Variants in PRAP1 observed in about 807,000 individuals in gnomAD.
PRAP1 encodes the protein proline-rich acidic protein 1.
A neutral mutation model predicts 14.6 loss-of-function variants in PRAP1; 12 were observed. The ratio of observed to expected loss-of-function variants is 0.82; its 90% CI spans 0.53 to 1.33. PRAP1 has a LOEUF of 1.33. Ranked by LOEUF, PRAP1 falls within the 40% of genes most tolerant of loss-of-function variation. PRAP1 has a pLI of 0.00. For missense variants in PRAP1, 160 were observed against 193.7 expected (o/e 0.83, Z 1.03); for synonymous variants, 81 against 80.3 (o/e 1.01, Z -0.04).
chr10:133,349,496 C>T (rs1232658203), intron 1 of PRAP1, among the ~76,000 whole-genome samples: 1 of 152,174 alleles, frequency 6.6e-6, no homozygotes, highest in African/African-American at 2.4e-5. Context: ...CATGCACAGA[C>T]AACATATGCA....
At chr10:133,350,293 T>A in intron 2 of PRAP1, 132 bp downstream of exon 2, 1 of 751,688 alleles carries the variant, frequency 1.3e-6, no homozygotes, top group Non-Finnish European at 2.2e-6. Flanking sequence ...GAGGCATGGG[T>A]ACGCTCATGA....
At chr10:133,350,509 C>G (rs573786288) in intron 2 of PRAP1, 1 of 259,306 alleles carries the variant, frequency 3.9e-6, no homozygotes, top group Non-Finnish European at 7.4e-6. Context: ...CACGTGGTCC[C>G]AAGTGGAACA....
Position 133,351,842 on chromosome 10 carries a change from G to C in PRAP1, c.129-165G>C, listed in dbSNP as rs75710420. 2.6e-3 allele frequency among the ~76,000 whole-genome samples: 395 copies of C among 152,350 alleles called. 4 individuals carry two copies. Among genetic ancestry groups the C allele is most frequent in the Admixed American group, 7.0e-3 (107 of 15,306 alleles). ...GGGACGTGGTGTGGAAGCCTGGCCG[G>C]GAGCACTGGGGGCCACTCATCACTG... On this transcript the variant is annotated intron_variant, in intron 3 of 4. Coordinates refer to ENST00000433452, the MANE Select transcript of PRAP1 (RefSeq NM_145202.5). The surrounding 1 kb of genome is among the most constrained non-coding windows in gnomAD (Gnocchi z 4.3).
In PRAP1 at chr10:133,351,792, C is replaced by A. The variant is rs113858342; in HGVS notation, c.129-215C>A. On this transcript the variant is annotated intron_variant, in intron 3 of 4. Coordinates refer to ENST00000433452, the MANE Select transcript of PRAP1 (RefSeq NM_145202.5). The surrounding 1 kb of genome is among the most constrained non-coding windows in gnomAD (Gnocchi z 4.3). ...GGACACTGCTCAACCAAGGCTCTGA[C>A]CACTGCTCCCCACGCAGCCACCCAG... 1.2e-4 allele frequency among the ~76,000 whole-genome samples: 18 copies of A among 152,210 alleles called. No homozygotes were observed. The highest frequency in any genetic ancestry group is 4.1e-4 in the African/African-American group (17 of 41,448).
chr10:133,349,950 C>T, intron 1 of PRAP1, 145 bp from the exon 2 acceptor site: 1 of 663,900 alleles, frequency 1.5e-6, no homozygotes, highest in Non-Finnish European at 2.6e-6. Flanking sequence ...CGTGTCTTGG[C>T]CCATGTGAGC....
In PRAP1 at chr10:133,352,443, C is replaced by T. The variant is rs754586389; in HGVS notation, c.*3C>T. On this transcript the variant is annotated 3_prime_UTR_variant, in exon 5 of 5. Coordinates refer to ENST00000433452, the MANE Select transcript of PRAP1 (RefSeq NM_145202.5). ...ACCACATCTACCACCCCCAGTAGGGCTCCAGGGGCCATCACTGCCCCCGCC... is the reference window on the plus strand; with the variant it reads ...ACCACATCTACCACCCCCAGTAGGGTTCCAGGGGCCATCACTGCCCCCGCC... 11 of 1,611,276 alleles carry T rather than the reference C, an allele frequency of 6.8e-6. No homozygotes were observed. The highest frequency in any genetic ancestry group is 8.5e-6 in the Non-Finnish European group (10 of 1,178,926).
intron 1 of PRAP1, among the ~76,000 whole-genome samples, chr10:133,349,131 C>T (rs1459454962): frequency 1.3e-5 from 2 of 151,080 alleles, no homozygotes; most frequent in Non-Finnish European, 3.0e-5. Context: ...CAAACCCTCA[C>T]ACTCTACACA....
chr10:133,350,254 C>A, intron 2 of PRAP1, 93 bp downstream of exon 2: 2 of 1,133,626 alleles, frequency 1.8e-6, no homozygotes, highest in Non-Finnish European at 2.6e-6. Context: ...CCTCTTCTGG[C>A]TTCAAACCCC....
rs1848684775 is a variant in PRAP1, at chr10:133,351,855, C to T, written c.129-152C>T. ...GAAGCCTGGCCGGGAGCACTGGGGGCCACTCATCACTGGCTCTTGAGAGAG... is the reference window on the plus strand; with the variant it reads ...GAAGCCTGGCCGGGAGCACTGGGGGTCACTCATCACTGGCTCTTGAGAGAG... On this transcript the variant is annotated intron_variant, in intron 3 of 4. Transcript: ENST00000433452. The surrounding 1 kb of genome is among the most constrained non-coding windows in gnomAD (Gnocchi z 4.3). The T allele has an allele frequency of 6.0e-6, 6 of 1,007,420 alleles. No individual in the cohort carries two copies. In the African/African-American group the frequency reaches 6.5e-5, roughly 11 times the overall value. 62.4% of individuals were successfully genotyped at this position (1,007,420 alleles called of 1,614,324 possible).
At position 133,352,269 on chromosome 10, in the gene PRAP1, C is replaced by G. The variant is rs146820314; in HGVS notation, c.285C>G (p.Thr95=). Residue 95 remains threonine, a synonymous_variant, in exon 5 of 5, where the codon ACC becomes ACG. Transcript: ENST00000433452. Reference sequence around the variant, plus strand: ...TAGGCACCAAGGCCTGGATGGAGACCGAGGACACCCTGGGCCATGTCCTGA... The same window carrying G: ...TAGGCACCAAGGCCTGGATGGAGACGGAGGACACCCTGGGCCATGTCCTGA... ...ILPGTKAWME[T]EDTLGHVLSP... is the part of the protein sequence containing the mutation. 72 of 1,612,886 alleles carry G rather than the reference C, an allele frequency of 4.5e-5. No individual in the cohort carries two copies. The highest frequency in any genetic ancestry group is 1.6e-4 in the Middle Eastern group (1 of 6,084).
Position 133,351,192 on chromosome 10 carries a change from T to C in PRAP1, c.76-189T>C, listed in dbSNP as rs919795717. Among the ~76,000 whole-genome samples, 3 of 152,146 alleles carry C rather than the reference T, an allele frequency of 2.0e-5. No homozygotes were observed. Among genetic ancestry groups the C allele is most frequent in the Non-Finnish European group, 4.4e-5 (3 of 68,016 alleles). On this transcript the variant is annotated intron_variant, in intron 2 of 4. Transcript: ENST00000433452. This position sits in a 1 kb window ranked among gnomAD's most constrained non-coding sequence, Gnocchi z 4.3. ...CAGGCCGGCAACCTCAATCCCGGCT[T>C]GCAATCCCAACACCCGAGAGTGGCT...
In PRAP1 at chr10:133,351,909, G is replaced by C; in HGVS notation, c.129-98G>C. On this transcript the variant is annotated intron_variant, in intron 3 of 4. Coordinates refer to ENST00000433452, the MANE Select transcript of PRAP1 (RefSeq NM_145202.5). This position sits in a 1 kb window ranked among gnomAD's most constrained non-coding sequence, Gnocchi z 4.3. The stretch of plus-strand genomic sequence containing the variant: ...CTTGTCCTGGGGCTGCTGGTGGTGG[G>C]GCTGGAGTGGCTGCCCTGGGATGGT... 6.8e-6 allele frequency: 10 copies of C among 1,479,198 alleles called. No individual in the cohort carries two copies. The highest frequency in any genetic ancestry group is 7.3e-6 in the Non-Finnish European group (8 of 1,098,866). 91.6% of individuals were successfully genotyped at this position (1,479,198 alleles called of 1,614,324 possible).
Position 133,351,424 on chromosome 10 carries a change from AC to A in PRAP1, c.122del (p.Pro41GlnfsTer31). ...GTCAAACACTGGCCCTCAGAGCAGG[AC>A]CCAGAGAAGTAAGTCCCCCCAACCC... Reference protein sequence around the residue: ...MQVKHWPSEQDPEKAWGARVV... With the variant: ...MQVKHWPSEQXPEKAWGARVV... On this transcript the variant is annotated frameshift_variant, in exon 3 of 5. Coordinates refer to ENST00000433452, the MANE Select transcript of PRAP1 (RefSeq NM_145202.5). LOFTEE classifies it high-confidence loss of function. The surrounding 1 kb of genome is among the most constrained non-coding windows in gnomAD (Gnocchi z 4.3). 3.7e-6 allele frequency: 6 copies of A among 1,609,910 alleles called. No homozygotes were observed. Among genetic ancestry groups the A allele is most frequent in the Non-Finnish European group, 4.2e-6 (5 of 1,178,162 alleles).
At chr10:133,350,455 A>G (rs943971938) in intron 2 of PRAP1, 1 of 353,486 alleles carries the variant, frequency 2.8e-6, no homozygotes, top group Non-Finnish European at 5.2e-6. Flanking sequence ...GGTCCAGATG[A>G]GCCCCCGTGA....
chr10:133,349,492 C>T (rs1373504729), intron 1 of PRAP1, among the ~76,000 whole-genome samples: 1 of 152,184 alleles, frequency 6.6e-6, no homozygotes, highest in Non-Finnish European at 1.5e-5. Flanking sequence ...CACACATGCA[C>T]AGACAACATA....
chr10:133,349,931 C>T (rs1848650957), intron 1 of PRAP1, among the ~76,000 whole-genome samples, 164 bp from the exon 2 acceptor site: 1 of 152,210 alleles, frequency 6.6e-6, no homozygotes, highest in African/African-American at 2.4e-5. Context: ...TCTCCCTGTT[C>T]TGTGCCTGCG....
At chr10:133,349,601 G>GCCC (rs1208708325) in intron 1 of PRAP1, among the ~76,000 whole-genome samples, 1 of 152,180 alleles carries the variant, frequency 6.6e-6, no homozygotes, top group African/African-American at 2.4e-5. Flanking sequence ...TCACCCCTGA[G>GCCC]CCCCCCAGCC....
Position 133,351,269 on chromosome 10 carries a change from T to G in PRAP1, c.76-112T>G. 2.8e-5 allele frequency: 11 copies of G among 389,676 alleles called. No homozygotes were observed. The highest frequency in any genetic ancestry group is 1.2e-4 in the East Asian group (2 of 16,074). The allele number at this position is 389,676 out of a possible 1,614,324, so 24.1% of individuals were successfully genotyped here. A position where few individuals can be genotyped will look rare whatever the true frequency, so the allele number is the denominator to read the frequency against. On this transcript the variant is annotated intron_variant, in intron 2 of 4. Transcript: ENST00000433452. The surrounding 1 kb of genome is among the most constrained non-coding windows in gnomAD (Gnocchi z 4.3). The stretch of plus-strand genomic sequence containing the variant: ...CTGAGCTGGCCCTGCCCCCACCCCC[T>G]GCAGCCACCTCCACCCCATGCAGCC...
chr10:133,351,536 A>G lies in PRAP1; in HGVS notation c.128+103A>G. On this transcript the variant is annotated intron_variant, in intron 3 of 4. Transcript: ENST00000433452. The surrounding 1 kb of genome is among the most constrained non-coding windows in gnomAD (Gnocchi z 4.3). Reference sequence around the variant, plus strand: ...TGGAGAGCACGGGGCAGATGCAGAGAGGAGCCCTGTCCAGCAGCTTTTGGA... The same window carrying G: ...TGGAGAGCACGGGGCAGATGCAGAGGGGAGCCCTGTCCAGCAGCTTTTGGA... 2 of 905,980 alleles carry G rather than the reference A, an allele frequency of 2.2e-6. No individual in the cohort carries two copies. The highest frequency in any genetic ancestry group is 3.4e-6 in the Non-Finnish European group (2 of 581,644). 56.1% of individuals were successfully genotyped at this position (905,980 alleles called of 1,614,324 possible).
Sources: gnomAD v4.1 joint callset for allele counts (sites outside exome capture counted in the v4.1 genomes callset) on GRCh38, gnomAD v4.1.1 for gene constraint, Gnocchi (gnomAD v3.1) non-coding constraint, MANE v1.5 for transcripts, NCBI Gene and HGNC (gene_info 2026-07-23, HGNC 2026-07-21) for gene names.